Variants in CRPPA observed in about 807,000 individuals in gnomAD.
CRPPA encodes D-ribitol-5-phosphate cytidylyltransferase.
In CRPPA, 43 loss-of-function variants were observed where a neutral mutation model predicts 52.0. The observed-to-expected ratio is 0.83, with a 90% CI of 0.65 to 1.07. The LOEUF is 1.07. Among genes scored for constraint, CRPPA ranks in the 50% least tolerant of loss-of-function variants. The pLI is 0.00. For synonymous variants in CRPPA, 250 were observed against 203.5 expected (o/e 1.23, Z -1.94); for missense variants, 629 against 551.7 (o/e 1.14, Z -1.40).
chr7:16,150,346 C>G (rs1352959035), intron 9 of CRPPA, among the ~76,000 whole-genome samples: 1 of 152,004 alleles, frequency 6.6e-6, no homozygotes, highest in Non-Finnish European at 1.5e-5. Context: ...CATTTCCTGT[C>G]TAATTAAGAA....
At chr7:16,346,415 C>T (rs1037196855) in intron 3 of CRPPA, among the ~76,000 whole-genome samples, 34 of 151,960 alleles carry the variant, frequency 2.2e-4, no homozygotes, top group African/African-American at 8.2e-4. Flanking sequence ...AGAGCTGTGT[C>T]AGTTGAGAAA....
intron 1 of CRPPA, among the ~76,000 whole-genome samples, chr7:16,419,549 C>A (rs1211034921): frequency 6.6e-6 from 1 of 152,224 alleles, no homozygotes; most frequent in Non-Finnish European, 1.5e-5. Context: ...CCTCTGGCTG[C>A]AAGAGTCTGA....
chr7:16,209,275 T>TTTTTTTTTTTTTTTTTTTTTG (rs1782061826), intron 9 of CRPPA: 1 of 120,422 alleles, frequency 8.3e-6, no homozygotes, highest in Non-Finnish European at 1.8e-5. Context: ...CTAAGTGTCT[T>TTTTTTTTTTTTTTTTTTTTTG]TTTTTTTTTT....
At chr7:16,371,387 C>A (rs988362913) in intron 3 of CRPPA, among the ~76,000 whole-genome samples, 3 of 152,154 alleles carry the variant, frequency 2.0e-5, no homozygotes, top group Non-Finnish European at 4.4e-5. Context: ...AAGTACCCAA[C>A]TCCTACAATC....
At chr7:16,388,001 G>A (rs993447570) in intron 2 of CRPPA, among the ~76,000 whole-genome samples, 10 of 152,126 alleles carry the variant, frequency 6.6e-5, no homozygotes, top group African/African-American at 2.4e-4. Flanking sequence ...TTTGTTGGGG[G>A]AGGCAAGGTC....
At position 16,168,247 on chromosome 7, in the gene CRPPA, C is replaced by G. The variant is rs148066741; in HGVS notation, c.1251+47819G>C. Among the ~76,000 whole-genome samples, 674 of 152,198 alleles carry G rather than the reference C, an allele frequency of 4.4e-3. 3 individuals are homozygous for G. The highest frequency in any genetic ancestry group is 0.016 in the African/African-American group (647 of 41,522). ...TTCATGTTCATTGCCAAGTTAGTTG[C>G]TCACTTTGATACCAATAAATACTTC... On this transcript the variant is annotated intron_variant, in intron 9 of 9. Coordinates refer to ENST00000407010, the MANE Select transcript of CRPPA (RefSeq NM_001101426.4).
At chr7:16,293,819 T>C (rs1372723835) in intron 5 of CRPPA, among the ~76,000 whole-genome samples, 2 of 151,984 alleles carry the variant, frequency 1.3e-5, no homozygotes, top group Non-Finnish European at 2.9e-5. Flanking sequence ...TCACTGAATA[T>C]AGGATGAAGT....
chr7:16,140,003 A>C (rs965227820), intron 9 of CRPPA, among the ~76,000 whole-genome samples: 1 of 152,094 alleles, frequency 6.6e-6, no homozygotes, highest in African/African-American at 2.4e-5. Context: ...TCTTGCCACC[A>C]TTAATATTTC....
At chr7:16,338,038 T>C (rs1203981968) in intron 3 of CRPPA, among the ~76,000 whole-genome samples, 1 of 152,004 alleles carries the variant, frequency 6.6e-6, no homozygotes, top group African/African-American at 2.4e-5. Flanking sequence ...ACAAGGACAC[T>C]ACAAGAAAAC....
chr7:16,217,739 GA>G (rs1462947237), intron 8 of CRPPA, among the ~76,000 whole-genome samples: 1 of 142,742 alleles, frequency 7.0e-6, no homozygotes, highest in African/African-American at 2.6e-5. Flanking sequence ...GAAGTTTAGA[GA>G]AAAAAGAATA....
At position 16,175,490 on chromosome 7, in the gene CRPPA, A is replaced by G. The variant is rs549282250; in HGVS notation, c.1251+40576T>C. ...ACTCTTCATCTCTAATGAAAAAGTT[A>G]AAAATGCCAGATGCACAGATTCACA... On this transcript the variant is annotated intron_variant, in intron 9 of 9. Transcript: ENST00000407010. Among the ~76,000 whole-genome samples, 481 of 152,270 alleles carry G rather than the reference A, an allele frequency of 3.2e-3. 2 individuals are homozygous for G. Among genetic ancestry groups the G allele is most frequent in the Middle Eastern group, 6.8e-3 (2 of 294 alleles).
chr7:16,209,243 G>C (rs924515327), intron 9 of CRPPA: 3 of 262,182 alleles, frequency 1.1e-5, no homozygotes, highest in Non-Finnish European at 1.5e-5. Flanking sequence ...GGTAAGAAGA[G>C]ACACGGCCAA....
chr7:16,405,924 A>T (rs557734474), intron 2 of CRPPA, 137 bp downstream of exon 2: 2 of 790,566 alleles, frequency 2.5e-6, no homozygotes, highest in African/African-American at 3.5e-5. Context: ...TTACTACAAC[A>T]AATCACCATA....
intron 8 of CRPPA, among the ~76,000 whole-genome samples, chr7:16,252,689 C>T (rs900209611): frequency 2.0e-5 from 3 of 152,150 alleles, no homozygotes; most frequent in Non-Finnish European, 2.9e-5. Flanking sequence ...GGTACCAGCT[C>T]CTCTTTGTAC....
At chr7:16,157,802 GC>G (rs1161502024) in intron 9 of CRPPA, among the ~76,000 whole-genome samples, 2 of 151,910 alleles carry the variant, frequency 1.3e-5, no homozygotes, top group African/African-American at 2.4e-5. Context: ...AGTTTCCCAT[GC>G]CCTTGAACAT....
intron 9 of CRPPA, among the ~76,000 whole-genome samples, chr7:16,196,169 A>C (rs1053878157): frequency 1.6e-4 from 25 of 152,302 alleles, no homozygotes; most frequent in African/African-American, 6.0e-4. Flanking sequence ...CTTCTGCTAA[A>C]GCCTCACTGA....
At chr7:16,258,623 A>C in intron 7 of CRPPA, 141 bp from the exon 8 acceptor site, 1 of 623,632 alleles carries the variant, frequency 1.6e-6, no homozygotes, top group Non-Finnish European at 2.7e-6. Flanking sequence ...ACAATTTTAA[A>C]GGATATCCAT....
intron 9 of CRPPA, among the ~76,000 whole-genome samples, chr7:16,126,032 T>TGGAAACAGAAAACACAGAC (rs1269033108): frequency 6.6e-6 from 1 of 151,854 alleles, no homozygotes; most frequent in African/African-American, 2.4e-5. Flanking sequence ...AAAATTAGAC[T>TGGAAACAGAAAACACAGAC]GGAAACAGAA....
At chr7:16,243,238 C>A (rs543200119) in intron 8 of CRPPA, among the ~76,000 whole-genome samples, 1 of 152,140 alleles carries the variant, frequency 6.6e-6, no homozygotes, top group African/African-American at 2.4e-5. Flanking sequence ...GAAGAAGGTG[C>A]CTGCTTCTCC....
Sources: gnomAD v4.1 joint callset for allele counts (sites outside exome capture counted in the v4.1 genomes callset) on GRCh38, gnomAD v4.1.1 for gene constraint, MANE v1.5 for transcripts, NCBI Gene and HGNC (gene_info 2026-07-23, HGNC 2026-07-21) for gene names.